RAB31: variants seen among roughly 807,000 people sequenced by gnomAD.
RAB31 encodes the protein RAB31, member RAS oncogene family.
In RAB31, 21 loss-of-function variants were observed where a neutral mutation model predicts 25.6. That is an observed-to-expected ratio of 0.82 (90% CI 0.58 to 1.18). The LOEUF (loss-of-function observed/expected upper bound fraction) is 1.18. Among genes scored for constraint, RAB31 ranks in the 50% most tolerant of loss-of-function variants. The pLI is 0.00. For missense variants in RAB31, 196 were observed against 250.1 expected (o/e 0.78, Z 1.46); for synonymous variants, 87 against 84.0 (o/e 1.04, Z -0.20).
In RAB31 at chr18:9,859,251, C is replaced by T; in HGVS notation, c.514C>T (p.Pro172Ser). Reference sequence around the variant, plus strand: ...AGGCCGCCAGATCCCACCCTTGGACCCCCATGAAAATGGAAACAATGGAAC... The same window carrying T: ...AGGCCGCCAGATCCCACCCTTGGACTCCCATGAAAATGGAAACAATGGAAC... Reference protein sequence around the residue: ...GISRQIPPLDPHENGNNGTIK... With the variant: ...GISRQIPPLDSHENGNNGTIK... The change falls in exon 7 of 7, where the codon CCC becomes TCC. Residue 172 changes from proline (P) to serine (S), a missense_variant. Physicochemically the swap from Pro to Ser is moderately conservative, Grantham distance 74 (BLOSUM62 -1). Coordinates refer to ENST00000578921, the MANE Select transcript of RAB31 (RefSeq NM_006868.4). 1 of 1,613,786 alleles carries T rather than the reference C, an allele frequency of 6.2e-7. No individual in the cohort carries two copies. Among genetic ancestry groups the T allele is most frequent in the Non-Finnish European group, 8.5e-7 (1 of 1,179,734 alleles).
At chr18:9,720,484 G>A (rs1306715607) in intron 1 of RAB31, among the ~76,000 whole-genome samples, 1 of 152,058 alleles carries the variant, frequency 6.6e-6, no homozygotes, top group Admixed American at 6.5e-5. Context: ...AGAGCGTGTG[G>A]TGTCTGCTAA....
At position 9,836,155 on chromosome 18, in the gene RAB31, T is replaced by C. The variant is rs551448433; in HGVS notation, c.381-9427T>C. ...GCTGTGCTGCTCGTGGCCGGCTTAA[T>C]TGGTCTTTTATGCTTGACCTTGGAA... On this transcript the variant is annotated intron_variant, in intron 5 of 6. Transcript: ENST00000578921. Among the ~76,000 whole-genome samples the C allele has an allele frequency of 3.6e-3, 554 of 152,236 alleles. 2 individuals carry two copies. Among genetic ancestry groups the C allele is most frequent in the South Asian group, 9.4e-3 (45 of 4,812 alleles).
At chr18:9,744,309 T>G (rs959441419) in intron 1 of RAB31, among the ~76,000 whole-genome samples, 1 of 152,230 alleles carries the variant, frequency 6.6e-6, no homozygotes, top group Non-Finnish European at 1.5e-5. Context: ...TGCAAAAATG[T>G]CTGTTAGCAT....
Position 9,748,822 on chromosome 18 carries a change from T to C in RAB31, c.40-26456T>C, listed in dbSNP as rs546597744. 1.9e-3 allele frequency among the ~76,000 whole-genome samples: 281 copies of C among 150,608 alleles called. 1 individual carries two copies. The highest frequency in any genetic ancestry group is 6.6e-3 in the African/African-American group (269 of 40,918). On this transcript the variant is annotated intron_variant, in intron 1 of 6. Coordinates refer to ENST00000578921, the MANE Select transcript of RAB31 (RefSeq NM_006868.4). ...AAGAGAATCACTTGAACCCGGGAGGTGGAGGTTGCAGTGAGCCGAGATTGC... is the reference window on the plus strand; with the variant it reads ...AAGAGAATCACTTGAACCCGGGAGGCGGAGGTTGCAGTGAGCCGAGATTGC...
intron 6 of RAB31, among the ~76,000 whole-genome samples, chr18:9,857,476 A>C (rs536368642): frequency 7.2e-5 from 11 of 152,106 alleles, no homozygotes; most frequent in Middle Eastern, 3.4e-3. Flanking sequence ...CTTAGACTGT[A>C]CTGTTTTCTA....
intron 2 of RAB31, among the ~76,000 whole-genome samples, chr18:9,786,559 C>T (rs28452014): frequency 0.19 from 29,048 of 152,178 alleles, 3,047 homozygotes; most frequent in East Asian, 0.34. Flanking sequence ...TGGGATCTGA[C>T]AGTATCTCCA....
chr18:9,800,658 C>A (rs922265062), intron 3 of RAB31, among the ~76,000 whole-genome samples: 3 of 152,144 alleles, frequency 2.0e-5, no homozygotes, highest in Non-Finnish European at 4.4e-5. Context: ...GCAGATGAGC[C>A]AACTTTCATC....
chr18:9,762,631 G>T (rs1313477392), intron 1 of RAB31, among the ~76,000 whole-genome samples: 1 of 152,094 alleles, frequency 6.6e-6, no homozygotes, highest in African/African-American at 2.4e-5. Flanking sequence ...CACAGAGTTT[G>T]TACATCGGGA....
At chr18:9,816,549 T>G (rs2068599969) in intron 5 of RAB31, among the ~76,000 whole-genome samples, 1 of 152,228 alleles carries the variant, frequency 6.6e-6, no homozygotes, top group African/African-American at 2.4e-5. Flanking sequence ...AAGGATATAG[T>G]CAAGTACATA....
chr18:9,750,951 C>T (rs770604824), intron 1 of RAB31, among the ~76,000 whole-genome samples: 1 of 152,136 alleles, frequency 6.6e-6, no homozygotes, highest in East Asian at 1.9e-4. Context: ...CAGATGGAAA[C>T]CAGAATGACT....
chr18:9,852,966 C>T (rs1411174629), intron 6 of RAB31, among the ~76,000 whole-genome samples: 1 of 152,126 alleles, frequency 6.6e-6, no homozygotes, highest in Non-Finnish European at 1.5e-5. Context: ...TTTTTGTTTG[C>T]ATTTTCCTAA....
At chr18:9,820,770 A>T (rs965310334) in intron 5 of RAB31, among the ~76,000 whole-genome samples, 1 of 152,030 alleles carries the variant, frequency 6.6e-6, no homozygotes, top group African/African-American at 2.4e-5. Flanking sequence ...AATTTTAGAA[A>T]TTTGAAACTT....
chr18:9,839,178 G>C (rs1355912808), intron 5 of RAB31, among the ~76,000 whole-genome samples: 1 of 152,178 alleles, frequency 6.6e-6, no homozygotes, highest in Non-Finnish European at 1.5e-5. Context: ...CATCTAGCCT[G>C]GTGGAGGGGT....
intron 5 of RAB31, among the ~76,000 whole-genome samples, chr18:9,827,400 G>A (rs1258638324): frequency 1.3e-5 from 2 of 152,140 alleles, no homozygotes; most frequent in African/African-American, 4.8e-5. Context: ...GTTGGGAAGT[G>A]GGAGAACTTT....
At chr18:9,825,780 A>G (rs996665439) in intron 5 of RAB31, among the ~76,000 whole-genome samples, 7 of 152,194 alleles carry the variant, frequency 4.6e-5, no homozygotes, top group Non-Finnish European at 8.8e-5. Context: ...GAAAACAATG[A>G]CTCATCATCT....
intron 5 of RAB31, among the ~76,000 whole-genome samples, chr18:9,828,143 T>C (rs2143102845): frequency 6.6e-6 from 1 of 152,230 alleles, no homozygotes; most frequent in East Asian, 1.9e-4. Flanking sequence ...TTGGCACGTG[T>C]TGGCAGGGAG....
intron 2 of RAB31, among the ~76,000 whole-genome samples, chr18:9,788,661 A>G (rs188970487): frequency 2.6e-5 from 4 of 152,354 alleles, no homozygotes; most frequent in African/African-American, 7.2e-5. Context: ...CCAAGTGTCC[A>G]TCATCCATCA....
chr18:9,816,467 A>G (rs925183333), intron 5 of RAB31, among the ~76,000 whole-genome samples: 31 of 152,244 alleles, frequency 2.0e-4, no homozygotes, highest in African/African-American at 5.8e-4. Flanking sequence ...ACACTTTCCT[A>G]TGGTAATGAC....
At chr18:9,751,811 C>T (rs191745010) in intron 1 of RAB31, among the ~76,000 whole-genome samples, 2 of 152,312 alleles carry the variant, frequency 1.3e-5, no homozygotes, top group Admixed American at 1.3e-4. Context: ...ATCTTTGGGA[C>T]AATTCCTCTT....
Sources: gnomAD v4.1 joint callset for allele counts (sites outside exome capture counted in the v4.1 genomes callset) on GRCh38, gnomAD v4.1.1 for gene constraint, MANE v1.5 for transcripts, NCBI Gene and HGNC (gene_info 2026-07-23, HGNC 2026-07-21) for gene names.